The following CANT1 variants were observed in gnomAD, a reference collection of about 807,000 sequenced individuals.
CANT1 encodes the protein calcium activated nucleotidase 1.
Under a neutral mutation model 30.0 loss-of-function variants are expected in CANT1, and 26 were observed. The ratio of observed to expected loss-of-function variants is 0.87; its 90% CI spans 0.64 to 1.20. CANT1 has a LOEUF of 1.20. Ranked by LOEUF, CANT1 falls within the 50% of genes most tolerant of loss-of-function variation. The pLI, the probability that CANT1 is intolerant of heterozygous loss-of-function variation, is 0.00. For missense variants in CANT1, 518 were observed against 563.0 expected (o/e 0.92, Z 0.81); for synonymous variants, 246 against 251.8 (o/e 0.98, Z 0.22).
intron 1 of CANT1, among the ~76,000 whole-genome samples, chr17:78,999,456 A>C (rs2071164791): frequency 6.6e-6 from 1 of 152,002 alleles, no homozygotes; most frequent in Non-Finnish European, 1.5e-5. Flanking sequence ...GAATTACTCT[A>C]TCTTACCTGC....
At chr17:79,000,745 C>T (rs79589708) in intron 1 of CANT1, among the ~76,000 whole-genome samples, 12,029 of 152,250 alleles carry the variant, frequency 0.079, 669 homozygotes, top group East Asian at 0.28. Context: ...GCCTGCTCTT[C>T]GCACCAGCAG....
At position 78,998,717 on chromosome 17, in the gene CANT1, C is replaced by T. The variant is rs141430460; in HGVS notation, c.-146-754G>A. 6.6e-5 allele frequency among the ~76,000 whole-genome samples: 10 copies of T among 152,370 alleles called. No homozygotes were observed. In the East Asian group the frequency reaches 1.5e-3, roughly 23 times the overall value. On this transcript the variant is annotated intron_variant, in intron 1 of 4. Transcript: ENST00000392446. This position sits in a 1 kb window ranked among gnomAD's most constrained non-coding sequence, Gnocchi z 4.5. ...TGAGAGCTGCCTGTCTCTGGACAGC[C>T]GCCAAGTGCCACAGTGGGGCGTGGG...
Position 78,995,640 on chromosome 17 carries a change from T to G in CANT1, c.632-419A>C, listed in dbSNP as rs2071012367. 6.6e-6 allele frequency among the ~76,000 whole-genome samples: 1 copy of G among 152,226 alleles called. No homozygotes were observed. Among genetic ancestry groups the G allele is most frequent in the African/African-American group, 2.4e-5 (1 of 41,450 alleles). On this transcript the variant is annotated intron_variant, in intron 3 of 4. Transcript: ENST00000392446. The surrounding 1 kb of genome is among the most constrained non-coding windows in gnomAD (Gnocchi z 5.7). ...CCGGAGAGGGGCTTGGTGCTGGGGC[T>G]CCCAGTCTTCCTTTCAATGGATTTG...
chr17:79,001,328 C>T (rs1024534414), intron 1 of CANT1, among the ~76,000 whole-genome samples: 5 of 152,120 alleles, frequency 3.3e-5, no homozygotes, highest in East Asian at 1.9e-4. Context: ...CTTCAGCAGC[C>T]GAGGCCCCTG....
At chr17:79,006,993 G>C (rs546294505) in intron 1 of CANT1, among the ~76,000 whole-genome samples, 18 of 152,304 alleles carry the variant, frequency 1.2e-4, no homozygotes, top group African/African-American at 4.3e-4. Flanking sequence ...CCACATGGTG[G>C]CATCACGCAC....
chr17:78,996,939 C>T lies in CANT1; in HGVS notation c.631+53G>A. The T allele has an allele frequency of 6.2e-7, 1 of 1,608,590 alleles. No individual in the cohort carries two copies. The highest frequency in any genetic ancestry group is 8.5e-7 in the Non-Finnish European group (1 of 1,179,196). On this transcript the variant is annotated intron_variant, in intron 3 of 4. Transcript: ENST00000392446. The surrounding 1 kb of genome is among the most constrained non-coding windows in gnomAD (Gnocchi z 5.1). Reference sequence around the variant, plus strand: ...ATGTGCCTGTGTTTGCCAGCCAGGCCCTGAGCTCCCACTCCCCACCCACAC... The same window carrying T: ...ATGTGCCTGTGTTTGCCAGCCAGGCTCTGAGCTCCCACTCCCCACCCACAC...
Position 78,999,642 on chromosome 17 carries a change from ATTTTTTTTTTT to A in CANT1, c.-146-1690_-146-1680del, listed in dbSNP as rs35755919. Among the ~76,000 whole-genome samples, 337 of 97,350 alleles carry A rather than the reference ATTTTTTTTTTT, an allele frequency of 3.5e-3. 1 individual carries two copies. The highest frequency in any genetic ancestry group is 0.013 in the African/African-American group (314 of 24,530). 63.9% of individuals were successfully genotyped at this position (97,350 alleles called of 152,430 possible). A position where few individuals can be genotyped will look rare whatever the true frequency, so the allele number is the denominator to read the frequency against. On this transcript the variant is annotated intron_variant, in intron 1 of 4. Coordinates refer to ENST00000392446, the MANE Select transcript of CANT1 (RefSeq NM_001159773.2). ...AGGCGTGTGCCACCACGCACAGCGA[ATTTTTTTTTTT>A]TTTTTTTTTTTTTTTTGGAGACAGA...
Position 78,997,092 on chromosome 17 carries a change from G to C in CANT1, c.531C>G (p.Leu177=), listed in dbSNP as rs1208952783. The C allele has an allele frequency of 6.2e-7, 1 of 1,614,196 alleles. No homozygotes were observed. Among genetic ancestry groups the C allele is most frequent in the South Asian group, 1.1e-5 (1 of 91,092 alleles). ...CCCCCGTCCGGTCATCCACGGAGTA[G>C]AGTTTCCCATTGAAAACAATCAGGT... ...LSDLIVFNGK[L]YSVDDRTGVV... is the part of the protein sequence containing the mutation. The change falls in exon 3 of 5, where the codon CTC becomes CTG. Residue 177 remains leucine, a synonymous_variant. Coordinates refer to ENST00000392446, the MANE Select transcript of CANT1 (RefSeq NM_001159773.2). This position sits in a 1 kb window ranked among gnomAD's most constrained non-coding sequence, Gnocchi z 7.5.
chr17:78,999,170 C>T (rs146623949), intron 1 of CANT1, among the ~76,000 whole-genome samples: 91 of 152,326 alleles, frequency 6.0e-4, no homozygotes, highest in Non-Finnish European at 1.1e-3. Flanking sequence ...AAGGCACATA[C>T]GTGGAACCTG....
Position 78,995,018 on chromosome 17 carries a change from C to T in CANT1, c.835G>A (p.Gly279Ser). 6.4e-7 allele frequency: 1 copy of T among 1,565,816 alleles called. No individual in the cohort carries two copies. The highest frequency in any genetic ancestry group is 2.4e-5 in the East Asian group (1 of 42,422). Residue 279 changes from glycine (G) to serine (S), a missense_variant and splice_region_variant, in exon 4 of 5, where the codon GGC becomes AGC. Coordinates refer to ENST00000392446, the MANE Select transcript of CANT1 (RefSeq NM_001159773.2). This position sits in a 1 kb window ranked among gnomAD's most constrained non-coding sequence, Gnocchi z 5.7. ...GTGGGCTGGGGCAGGCGTCTCTTAC[C>T]TGGCGGCTGGATGCCGGCAGCAGCC... is the stretch of plus-strand genomic sequence containing the variant. ...LRAAAGIQPP[G>S]YLIHESACWS... is the part of the protein sequence containing the mutation.
chr17:79,007,978 TG>T (rs1412403046), intron 1 of CANT1: 1 of 152,174 alleles, frequency 6.6e-6, no homozygotes, highest in Non-Finnish European at 1.5e-5. Flanking sequence ...CACGTTAATT[TG>T]GACATGAAAA....
At chr17:79,000,447 C>T (rs1350209028) in intron 1 of CANT1, among the ~76,000 whole-genome samples, 2 of 151,654 alleles carry the variant, frequency 1.3e-5, no homozygotes, top group Non-Finnish European at 2.9e-5. Flanking sequence ...CCTGCCTCTC[C>T]GCCCCTGACA....
At chr17:79,000,525 C>T (rs148271231) in intron 1 of CANT1, among the ~76,000 whole-genome samples, 363 of 151,934 alleles carry the variant, frequency 2.4e-3, no homozygotes, top group Non-Finnish European at 4.0e-3. Context: ...GACACTCCCT[C>T]GCCACCTGCC....
At position 78,993,456 on chromosome 17, in the gene CANT1, A is replaced by T; in HGVS notation, c.*94T>A. 6.3e-7 allele frequency: 1 copy of T among 1,577,664 alleles called. No homozygotes were observed. The highest frequency in any genetic ancestry group is 8.7e-7 in the Non-Finnish European group (1 of 1,155,274). ...CTGTCCAGACCTCCAACCCAGGCAC[A>T]GTTCCAAAAAGAACAAAACAAAACA... On this transcript the variant is annotated 3_prime_UTR_variant, in exon 5 of 5. Transcript: ENST00000392446. The surrounding 1 kb of genome is among the most constrained non-coding windows in gnomAD (Gnocchi z 4.5).
intron 1 of CANT1, among the ~76,000 whole-genome samples, chr17:79,001,465 C>T (rs2071258841): frequency 6.6e-6 from 1 of 152,172 alleles, no homozygotes; most frequent in African/African-American, 2.4e-5. Flanking sequence ...CCTCCAGACC[C>T]CACACTCCCA....
chr17:79,001,993 G>C (rs2071280180), intron 1 of CANT1, among the ~76,000 whole-genome samples: 1 of 151,740 alleles, frequency 6.6e-6, no homozygotes, highest in South Asian at 2.1e-4. Flanking sequence ...GTCCCACCCA[G>C]CTTGAGACTC....
chr17:79,001,544 G>A (rs983970459), intron 1 of CANT1, among the ~76,000 whole-genome samples: 9 of 151,870 alleles, frequency 5.9e-5, no homozygotes, highest in Admixed American at 3.3e-4. Flanking sequence ...CTGAGTCCCC[G>A]GCACCTCTGT....
intron 1 of CANT1, among the ~76,000 whole-genome samples, chr17:79,001,267 T>C (rs1460551265): frequency 1.3e-5 from 2 of 152,122 alleles, no homozygotes; most frequent in Non-Finnish European, 2.9e-5. Flanking sequence ...ACCTTCACCA[T>C]TCCTGTCAAA....
At chr17:78,999,133 C>T (rs1280478771) in intron 1 of CANT1, among the ~76,000 whole-genome samples, 1 of 144,858 alleles carries the variant, frequency 6.9e-6, no homozygotes, top group Non-Finnish European at 1.6e-5. Flanking sequence ...TAGGTTTTAG[C>T]CCCAGGGTGA....
Sources: allele counts gnomAD v4.1 joint callset (sites outside exome capture counted in the v4.1 genomes callset), GRCh38; gene constraint gnomAD v4.1.1; non-coding constraint Gnocchi (gnomAD v3.1); transcripts MANE v1.5; gene names NCBI Gene and HGNC (gene_info 2026-07-23, HGNC 2026-07-21).